Variants in KCNQ4 observed in about 807,000 individuals in gnomAD.
KCNQ4 encodes the protein potassium voltage-gated channel subfamily Q member 4.
A neutral mutation model predicts 72.6 loss-of-function variants in KCNQ4; 31 were observed. The observed-to-expected ratio is 0.43, with a 90% CI of 0.32 to 0.58. KCNQ4 has a LOEUF of 0.58. KCNQ4 is among the 20% of genes least tolerant of loss of function. The probability of loss-of-function intolerance (pLI) is 0.08; values close to 1 mark genes in which losing one functional copy is unlikely to be tolerated. For synonymous variants in KCNQ4, 405 were observed against 403.7 expected (o/e 1.00, Z -0.04); for missense variants, 869 against 962.6 (o/e 0.90, Z 1.29).
chr1:40,832,673 G>A (rs930513983), intron 10 of KCNQ4, among the ~76,000 whole-genome samples: 3 of 152,200 alleles, frequency 2.0e-5, no homozygotes, highest in Admixed American at 6.5e-5. Context: ...TATCTCTGGG[G>A]CTCACTGTTC....
chr1:40,809,802 C>T (rs12736424), intron 1 of KCNQ4, among the ~76,000 whole-genome samples: 1 of 151,898 alleles, frequency 6.6e-6, no homozygotes, highest in African/African-American at 2.4e-5. Context: ...CGGTGGCTCA[C>T]GCCTGTAATC....
chr1:40,812,551 C>T (rs184526910), intron 1 of KCNQ4, among the ~76,000 whole-genome samples: 182 of 152,284 alleles, frequency 1.2e-3, no homozygotes, highest in African/African-American at 4.3e-3. Context: ...CATGAGCCAC[C>T]GCGCCTCGTC....
rs1648877457 is a variant in KCNQ4 at position 40,838,445 on chromosome 1, C to A, written c.2010C>A (p.Ser670Arg). 6.2e-7 allele frequency: 1 copy of A among 1,614,038 alleles called. No individual in the cohort carries two copies. Among genetic ancestry groups the A allele is most frequent in the Non-Finnish European group, 8.5e-7 (1 of 1,179,986 alleles). Residue 670 changes from serine (S) to arginine (R), a missense_variant, in exon 14 of 14, where the codon AGC becomes AGA. By Grantham distance (110) the Ser-to-Arg change is moderately radical. Around this residue, in one of 5 missense-constraint regions of KCNQ4, gnomAD observed 480 missense variants for 501.9 expected, o/e 0.96. Transcript: ENST00000347132. Reference sequence around the variant, plus strand: ...CCGACATCACCTCCGACTACCACAGCCCTGTGGACCACGAGGACATCTCCG... The same window carrying A: ...CCGACATCACCTCCGACTACCACAGACCTGTGGACCACGAGGACATCTCCG... ...FDPDITSDYH[S>R]PVDHEDISVS...
chr1:40,832,566 C>G (rs566670692), intron 10 of KCNQ4, among the ~76,000 whole-genome samples: 1 of 152,348 alleles, frequency 6.6e-6, no homozygotes, highest in East Asian at 1.9e-4. Context: ...TCCCTAGTAG[C>G]AGAGCTGGGC....
rs13374844 is a variant in KCNQ4, at chr1:40,817,247, C to T, written c.315-18C>T. The T allele has an allele frequency of 0.15, 233,780 of 1,607,752 alleles. 17,742 individuals are homozygous for T. Among genetic ancestry groups the T allele is most frequent in the East Asian group, 0.28 (12,438 of 44,802 alleles). ...TCCCTCCAACAATCTAACCCTCTCCCTCATGTTGTAATTGCAGATTTTTGC... is the reference window on the plus strand; with the variant it reads ...TCCCTCCAACAATCTAACCCTCTCCTTCATGTTGTAATTGCAGATTTTTGC... On this transcript the variant is annotated intron_variant, in intron 1 of 13. Coordinates refer to ENST00000347132, the MANE Select transcript of KCNQ4 (RefSeq NM_004700.4). The surrounding 1 kb of genome is among the most constrained non-coding windows in gnomAD (Gnocchi z 5.5).
chr1:40,829,037 T>G (rs1215431726), intron 9 of KCNQ4, among the ~76,000 whole-genome samples: 1 of 152,274 alleles, frequency 6.6e-6, no homozygotes, highest in African/African-American at 2.4e-5. Flanking sequence ...TAAGTCCTGC[T>G]GAGTGCAAGC....
rs753834081 is a variant in KCNQ4, at chr1:40,822,325, C to T, written c.1053C>T (p.Arg351=). Residue 351 remains arginine (R), a synonymous_variant, in exon 8 of 14, where the codon CGC becomes CGT. Transcript: ENST00000347132. The part of the protein sequence containing the change: ...PAANLIQAAW[R]LYSTDMSRAY... Reference sequence around the variant, plus strand: ...CCCCATACCACCAGGCTGCCTGGCGCCTGTACTCCACCGATATGAGCCGGG... The same window carrying T: ...CCCCATACCACCAGGCTGCCTGGCGTCTGTACTCCACCGATATGAGCCGGG... 1.1e-5 allele frequency: 18 copies of T among 1,612,868 alleles called. No individual in the cohort carries two copies. The highest frequency in any genetic ancestry group is 3.3e-5 in the South Asian group (3 of 91,060).
intron 1 of KCNQ4, among the ~76,000 whole-genome samples, chr1:40,795,360 C>T (rs1209934300): frequency 6.6e-6 from 1 of 151,078 alleles, no homozygotes; most frequent in Non-Finnish European, 1.5e-5. Flanking sequence ...CTCCTGGGCT[C>T]AAGCGATCCT....
chr1:40,812,435 A>AT (rs917720798), intron 1 of KCNQ4, among the ~76,000 whole-genome samples: 13 of 151,578 alleles, frequency 8.6e-5, no homozygotes, highest in Admixed American at 1.3e-4. Flanking sequence ...TTTTGTTTTG[A>AT]TTTTTTTTGT....
At chr1:40,823,588 C>G (rs1648373507) in intron 8 of KCNQ4, among the ~76,000 whole-genome samples, 1 of 152,146 alleles carries the variant, frequency 6.6e-6, no homozygotes, top group Admixed American at 6.5e-5. Flanking sequence ...CTCCTTGGCT[C>G]ATGGCAGCAG....
rs781735358 is a variant in KCNQ4, at chr1:40,784,288, G to T, written c.195G>T (p.Ser65=). 7.0e-6 allele frequency: 11 copies of T among 1,569,190 alleles called. No individual in the cohort carries two copies. Among genetic ancestry groups the T allele is most frequent in the African/African-American group, 1.4e-5 (1 of 71,340 alleles). Residue 65 remains serine, a synonymous_variant, in exon 1 of 14, where the codon TCG becomes TCT. Coordinates refer to ENST00000347132, the MANE Select transcript of KCNQ4 (RefSeq NM_004700.4). This position sits in a 1 kb window ranked among gnomAD's most constrained non-coding sequence, Gnocchi z 4.1. ...CCCTCCCTGGGCCGGGCTCCGGCTCGGGCTCCGCCTGCGGCCAGCGCTCCT... is the reference window on the plus strand; with the variant it reads ...CCCTCCCTGGGCCGGGCTCCGGCTCTGGCTCCGCCTGCGGCCAGCGCTCCT... The part of the protein sequence containing the change: ...GAPLPGPGSG[S]GSACGQRSSA...
chr1:40,824,637 G>A (rs901673719), intron 9 of KCNQ4, among the ~76,000 whole-genome samples: 2 of 152,216 alleles, frequency 1.3e-5, no homozygotes, highest in African/African-American at 4.8e-5. Flanking sequence ...CTGGCCACAG[G>A]TGCTTACGGC....
chr1:40,791,238 G>A (rs1647278484), intron 1 of KCNQ4, among the ~76,000 whole-genome samples: 1 of 152,126 alleles, frequency 6.6e-6, no homozygotes, highest in Admixed American at 6.5e-5. Context: ...CAGGAAAGTG[G>A]ACCTCTCAGG....
chr1:40,825,348 G>T (rs1275787866), intron 9 of KCNQ4, among the ~76,000 whole-genome samples: 1 of 152,208 alleles, frequency 6.6e-6, no homozygotes, highest in Non-Finnish European at 1.5e-5. Flanking sequence ...GATGCTGTGT[G>T]TCCTGGAGGA....
chr1:40,804,688 C>T (rs1647702549), intron 1 of KCNQ4, among the ~76,000 whole-genome samples: 1 of 151,968 alleles, frequency 6.6e-6, no homozygotes, highest in Admixed American at 6.6e-5. Context: ...CATGGTGGCA[C>T]CCACCTGTGG....
intron 1 of KCNQ4, among the ~76,000 whole-genome samples, chr1:40,801,771 C>T (rs1647580547): frequency 6.6e-6 from 1 of 152,184 alleles, no homozygotes; most frequent in African/African-American, 2.4e-5. Flanking sequence ...GTCCCATGCC[C>T]AGGATGCCAG....
At chr1:40,806,651 A>G (rs965607401) in intron 1 of KCNQ4, among the ~76,000 whole-genome samples, 6 of 152,036 alleles carry the variant, frequency 3.9e-5, no homozygotes, top group Admixed American at 3.9e-4. Context: ...GGGATAAAGA[A>G]AAAGAAAAAT....
chr1:40,784,260 C>T lies in KCNQ4; in HGVS notation c.167C>T (p.Ala56Val). The change falls in exon 1 of 14, where the codon GCG becomes GTG. Residue 56 changes from alanine to valine, a missense_variant. Coordinates refer to ENST00000347132, the MANE Select transcript of KCNQ4 (RefSeq NM_004700.4). This position sits in a 1 kb window ranked among gnomAD's most constrained non-coding sequence, Gnocchi z 4.1. ...GLLGSPLPPG[A>V]PLPGPGSGSG... is the part of the protein sequence containing the mutation. ...CTGGGCAGCCCCCTGCCGCCGGGCG[C>T]GCCCCTCCCTGGGCCGGGCTCCGGC... The T allele has an allele frequency of 1.4e-6, 2 of 1,416,068 alleles. No individual in the cohort carries two copies. Among genetic ancestry groups the T allele is most frequent in the Non-Finnish European group, 1.8e-6 (2 of 1,092,928 alleles). 87.7% of individuals were successfully genotyped at this position (1,416,068 alleles called of 1,614,324 possible).
intron 1 of KCNQ4, among the ~76,000 whole-genome samples, chr1:40,809,363 C>A (rs1366826298): frequency 6.6e-6 from 1 of 152,158 alleles, no homozygotes; most frequent in East Asian, 1.9e-4. Context: ...CCAGCCGGGT[C>A]TCTCTCTTCA....
Sources: allele counts gnomAD v4.1 joint callset (sites outside exome capture counted in the v4.1 genomes callset), GRCh38; gene constraint gnomAD v4.1.1; regional missense constraint gnomAD v4.1.1; non-coding constraint Gnocchi (gnomAD v3.1); transcripts MANE v1.5; gene names NCBI Gene and HGNC (gene_info 2026-07-23, HGNC 2026-07-21).